The following DGKZ variants were observed in gnomAD, a reference collection of about 807,000 sequenced individuals.
DGKZ encodes the protein DAG kinase zeta.
A neutral mutation model predicts 142.5 loss-of-function variants in DGKZ; 45 were observed. The observed-to-expected ratio is 0.32, with a 90% confidence interval of 0.25 to 0.40. The LOEUF is 0.40. Among genes scored for constraint, DGKZ ranks in the 10% least tolerant of loss-of-function variants. DGKZ has a pLI of 1.00. For missense variants in DGKZ, 755 were observed against 1,306.5 expected (o/e 0.58, Z 6.51); for synonymous variants, 442 against 527.0 (o/e 0.84, Z 2.21).
chr11:46,349,553 T>C (rs887054344), intron 1 of DGKZ, among the ~76,000 whole-genome samples: 12 of 143,518 alleles, frequency 8.4e-5, no homozygotes, highest in Middle Eastern at 3.5e-3. Context: ...TTCTTCCTTT[T>C]GTAAAACAAA....
At chr11:46,365,066 G>A (rs1196702166) in intron 1 of DGKZ, 3 of 985,308 alleles carry the variant, frequency 3.0e-6, no homozygotes, top group African/African-American at 1.7e-5. Flanking sequence ...ACAGGAGCTC[G>A]ATGCTGGCTG....
intron 1 of DGKZ, among the ~76,000 whole-genome samples, chr11:46,339,268 T>G (rs1841105762): frequency 6.6e-6 from 1 of 152,200 alleles, no homozygotes; most frequent in Non-Finnish European, 1.5e-5. Flanking sequence ...ATGGGGCCGA[T>G]TTGTAATTTA....
intron 1 of DGKZ, chr11:46,366,572 GCA>G: frequency 1.9e-6 from 3 of 1,605,810 alleles, no homozygotes; most frequent in Non-Finnish European, 2.5e-6. Flanking sequence ...GCTTCTGGGT[GCA>G]CCCCTGCTGT....
chr11:46,363,073 C>T (rs547479167), intron 1 of DGKZ, among the ~76,000 whole-genome samples: 6 of 152,286 alleles, frequency 3.9e-5, no homozygotes, highest in East Asian at 1.9e-4. Flanking sequence ...GACCTTTACA[C>T]GTACTGTGTG....
upstream of DGKZ, among the ~76,000 whole-genome samples, chr11:46,342,962 A>G (rs1940347423): frequency 6.6e-6 from 1 of 152,160 alleles, no homozygotes; most frequent in African/African-American, 2.4e-5. Context: ...CGTCTCTACT[A>G]AAAATACAAA....
intron 24 of DGKZ, 109 bp downstream of exon 24, chr11:46,376,673 A>C: frequency 2.8e-6 from 4 of 1,430,098 alleles, no homozygotes; most frequent in Non-Finnish European, 3.9e-6. Context: ...CTCTGTCCTC[A>C]TGCCTCTGAG....
intron 1 of DGKZ, chr11:46,365,076 G>A: frequency 2.0e-6 from 2 of 985,446 alleles, no homozygotes; most frequent in Non-Finnish European, 1.2e-6. Context: ...GATGCTGGCT[G>A]TGAAGAAGGG....
chr11:46,343,924 T>C (rs1260238912), upstream of DGKZ, among the ~76,000 whole-genome samples: 1 of 151,400 alleles, frequency 6.6e-6, no homozygotes, highest in Non-Finnish European at 1.5e-5. Context: ...TCTTCTCCCT[T>C]CCTTTGGCTT....
upstream of DGKZ, chr11:46,345,419 C>A: frequency 6.9e-7 from 1 of 1,442,140 alleles, no homozygotes; most frequent in Non-Finnish European, 9.1e-7. This position sits in a 1 kb window ranked among gnomAD's most constrained non-coding sequence, Gnocchi z 4.1. Context: ...GATGAGCGCA[C>A]CGGGGGCTGG....
In DGKZ at chr11:46,377,063, C is replaced by A; in HGVS notation, c.2203-10C>A. 1 of 1,611,836 alleles carries A rather than the reference C, an allele frequency of 6.2e-7. No homozygotes were observed. On this transcript the variant is annotated splice_polypyrimidine_tract_variant and intron_variant, in intron 24 of 30. Coordinates refer to ENST00000527911, the Ensembl canonical transcript of DGKZ. Reference sequence around the variant, plus strand: ...GTGCCCTGACCTCCCGCCCTGACCTCCCCCCACAGGAGCACCTCAACTATG... The same window carrying A: ...GTGCCCTGACCTCCCGCCCTGACCTACCCCCACAGGAGCACCTCAACTATG...
upstream of DGKZ, among the ~76,000 whole-genome samples, chr11:46,343,904 C>T (rs1940401648): frequency 2.6e-5 from 4 of 152,030 alleles, no homozygotes. Context: ...GCCTAAGTCA[C>T]TCTCATCACT....
At chr11:46,380,240 C>A in exon 31 of DGKZ, 1 of 281,562 alleles carries the variant, frequency 3.6e-6, no homozygotes, top group Non-Finnish European at 6.7e-6. Flanking sequence ...TCCCTGGCCG[C>A]AGCAGATGCC....
At chr11:46,369,857 C>A in intron 5 of DGKZ, 84 bp from the exon 6 acceptor site, 1 of 1,453,178 alleles carries the variant, frequency 6.9e-7, no homozygotes, top group South Asian at 1.1e-5. Context: ...CCTGCAGCCC[C>A]GTGTGTTGAG....
chr11:46,347,524 C>T lies in DGKZ; in HGVS notation c.-136C>T. On this transcript the variant is annotated 5_prime_UTR_variant, in exon 1 of 31. Coordinates refer to ENST00000527911, the Ensembl canonical transcript of DGKZ. This position sits in a 1 kb window ranked among gnomAD's most constrained non-coding sequence, Gnocchi z 6.4. ...GGCACCTGGGCGTGGGGAGCGGGGG[C>T]GCGCGGCGCGGGGCGGGCGGAGCGA... is the stretch of plus-strand genomic sequence containing the variant. The T allele has an allele frequency of 2.0e-6, 2 of 982,436 alleles. No individual in the cohort carries two copies. The highest frequency in any genetic ancestry group is 2.4e-6 in the Non-Finnish European group (2 of 829,210). 60.9% of individuals were successfully genotyped at this position (982,436 alleles called of 1,614,324 possible). A position where few individuals can be genotyped will look rare whatever the true frequency, so the allele number is the denominator to read the frequency against.
chr11:46,372,900 A>AG lies in DGKZ; in HGVS notation c.1185+22dup, dbSNP rs1246414633. ...CTGGGGTGGGGTAAGCACCCATAGGAGGGGGGTGCAGCTGGGGCCTCTCCA... is the reference window on the plus strand; with the variant it reads ...CTGGGGTGGGGTAAGCACCCATAGGAGGGGGGGTGCAGCTGGGGCCTCTCCA... On this transcript the variant is annotated intron_variant, in intron 13 of 30. Transcript: ENST00000527911. This position sits in a 1 kb window ranked among gnomAD's most constrained non-coding sequence, Gnocchi z 5.9. The AG allele has an allele frequency of 1.3e-6, 2 of 1,564,870 alleles. No homozygotes were observed. Among genetic ancestry groups the AG allele is most frequent in the South Asian group, 1.2e-5 (1 of 85,436 alleles).
chr11:46,335,427 GCACACACA>G (rs56935902), intron 1 of DGKZ, among the ~76,000 whole-genome samples: 7 of 147,928 alleles, frequency 4.7e-5, no homozygotes, highest in South Asian at 2.1e-4. Context: ...ACACGTGCAC[GCACACACA>G]CACACACACA....
chr11:46,355,177 C>T (rs1214927385), intron 1 of DGKZ, among the ~76,000 whole-genome samples: 6 of 152,132 alleles, frequency 3.9e-5, no homozygotes, highest in Non-Finnish European at 5.9e-5. Context: ...GGTGCGATCT[C>T]GGCTCACTGC....
chr11:46,366,715 G>A, intron 1 of DGKZ: 2 of 1,558,228 alleles, frequency 1.3e-6, no homozygotes, highest in Non-Finnish European at 1.7e-6. Context: ...AGCCGCTGTT[G>A]CCCCTACCCC....
At position 46,372,615 on chromosome 11, in the gene DGKZ, A is replaced by G; in HGVS notation, c.1011-2A>G. The G allele has an allele frequency of 6.2e-7, 1 of 1,613,802 alleles. No individual in the cohort carries two copies. Among genetic ancestry groups the G allele is most frequent in the Non-Finnish European group, 8.5e-7 (1 of 1,180,008 alleles). On this transcript the variant is annotated splice_acceptor_variant, in intron 11 of 30. Coordinates refer to ENST00000527911, the Ensembl canonical transcript of DGKZ. LOFTEE classifies it high-confidence loss of function. The surrounding 1 kb of genome is among the most constrained non-coding windows in gnomAD (Gnocchi z 5.9). The stretch of plus-strand genomic sequence containing the variant: ...CCCACTGCCATCTTCCCATGAGCCC[A>G]GGCTGGAGATGTACCGCAAAGTGCA...
Sources: gnomAD v4.1 joint callset for allele counts (sites outside exome capture counted in the v4.1 genomes callset) on GRCh38, gnomAD v4.1.1 for gene constraint, Gnocchi (gnomAD v3.1) non-coding constraint, MANE v1.5 for transcripts, NCBI Gene and HGNC (gene_info 2026-07-23, HGNC 2026-07-21) for gene names.